The following CMIP variants were observed in gnomAD, a reference collection of about 807,000 sequenced individuals.
CMIP encodes c-Maf inducing protein, also known as C-Maf-inducing protein.
In CMIP, 13 loss-of-function variants were observed where a neutral mutation model predicts 97.3. The observed-to-expected ratio is 0.13, with a 90% CI of 0.09 to 0.21. The LOEUF is 0.21. Among genes scored for constraint, CMIP ranks in the 10% least tolerant of loss-of-function variants. The pLI is 1.00. For synonymous variants in CMIP, 538 were observed against 436.3 expected, an observed-to-expected ratio of 1.23 and a Z score of -2.91; for missense variants, 847 against 1,024.9, an observed-to-expected ratio of 0.83 and a Z score of 2.37.
chr16:81,677,108 C>T (rs1005771873), intron 9 of CMIP, among the ~76,000 whole-genome samples: 5 of 152,066 alleles, frequency 3.3e-5, no homozygotes, highest in South Asian at 4.1e-4. Flanking sequence ...CCTGGTGTCC[C>T]GCCAGGGGTG....
At chr16:81,658,802 A>T (rs1010923047) in intron 5 of CMIP, among the ~76,000 whole-genome samples, 1 of 152,190 alleles carries the variant, frequency 6.6e-6, no homozygotes, top group East Asian at 1.9e-4. Context: ...CCTGCCTGGG[A>T]TGTCTCCTGG....
intron 1 of CMIP, among the ~76,000 whole-genome samples, chr16:81,566,560 G>A (rs2090987231): frequency 6.6e-6 from 1 of 152,152 alleles, no homozygotes; most frequent in Non-Finnish European, 1.5e-5. Context: ...ATTCAAGGAG[G>A]CCTTCCTAGG....
At chr16:81,629,461 C>A (rs1318460649) in intron 3 of CMIP, among the ~76,000 whole-genome samples, 1 of 152,228 alleles carries the variant, frequency 6.6e-6, no homozygotes, top group Non-Finnish European at 1.5e-5. Flanking sequence ...CCCTCTAGCC[C>A]AGCTCATCCC....
intron 10 of CMIP, among the ~76,000 whole-genome samples, chr16:81,685,647 G>T (rs964489365): frequency 3.3e-5 from 5 of 151,532 alleles, no homozygotes; most frequent in African/African-American, 1.2e-4. Flanking sequence ...CAGGCTCAAA[G>T]AATCCTCCCA....
intron 2 of CMIP, chr16:81,620,466 A>G (rs914726705): frequency 3.8e-4 from 66 of 172,794 alleles, no homozygotes; most frequent in African/African-American, 1.5e-3. Flanking sequence ...GTGGATAACA[A>G]AAGCCAAGTT....
intron 1 of CMIP, among the ~76,000 whole-genome samples, chr16:81,543,645 C>T (rs1216238931): frequency 6.6e-6 from 1 of 152,130 alleles, no homozygotes; most frequent in Non-Finnish European, 1.5e-5. Flanking sequence ...CTCAGTTTCC[C>T]CACCTAGAGC....
At chr16:81,484,006 G>C (rs919177527) in intron 1 of CMIP, among the ~76,000 whole-genome samples, 9 of 152,202 alleles carry the variant, frequency 5.9e-5, no homozygotes, top group Non-Finnish European at 1.3e-4. Flanking sequence ...ATCATTTCAA[G>C]CTTAATAAAT....
intron 3 of CMIP, among the ~76,000 whole-genome samples, chr16:81,625,739 A>T (rs1003569217): frequency 6.6e-6 from 1 of 152,218 alleles, no homozygotes; most frequent in Non-Finnish European, 1.5e-5. Flanking sequence ...CCAGGCTCCT[A>T]GAGGAGCCCC....
chr16:81,488,165 T>C (rs994687452), intron 1 of CMIP, among the ~76,000 whole-genome samples: 1 of 152,210 alleles, frequency 6.6e-6, no homozygotes, highest in South Asian at 2.1e-4. Flanking sequence ...TACATTGTTA[T>C]TATTGTTATG....
At chr16:81,454,370 G>T (rs890958192) in intron 1 of CMIP, among the ~76,000 whole-genome samples, 1 of 152,218 alleles carries the variant, frequency 6.6e-6, no homozygotes, top group Non-Finnish European at 1.5e-5. Flanking sequence ...CCCCGTGTCT[G>T]TGTGGGTCCA....
chr16:81,661,075 C>T (rs1167896325), intron 6 of CMIP, 129 bp downstream of exon 6: 5 of 1,123,218 alleles, frequency 4.5e-6, no homozygotes, highest in Non-Finnish European at 6.8e-6. Flanking sequence ...GTCCCAGACA[C>T]AGGCGGAGAG....
chr16:81,651,802 C>A (rs867325344), intron 3 of CMIP, among the ~76,000 whole-genome samples: 8 of 152,140 alleles, frequency 5.3e-5, no homozygotes, highest in African/African-American at 1.9e-4. Flanking sequence ...GCTTGAGAGC[C>A]CGAGCACATG....
chr16:81,552,846 T>A (rs138282579), intron 1 of CMIP, among the ~76,000 whole-genome samples: 3 of 152,174 alleles, frequency 2.0e-5, no homozygotes, highest in African/African-American at 7.2e-5. Context: ...GCTTTGTTCC[T>A]TCATTGCTGT....
chr16:81,448,033 C>A (rs1197844980), intron 1 of CMIP, among the ~76,000 whole-genome samples: 1 of 152,234 alleles, frequency 6.6e-6, no homozygotes, highest in East Asian at 1.9e-4. Flanking sequence ...GAAATATGAG[C>A]CCAAATAAAA....
chr16:81,477,989 T>C (rs1260875618), intron 1 of CMIP, among the ~76,000 whole-genome samples: 1 of 152,226 alleles, frequency 6.6e-6, no homozygotes, highest in East Asian at 1.9e-4. Flanking sequence ...TGCAAGAGCA[T>C]CTGGGAAATG....
chr16:81,701,266 G>A (rs886599078), intron 15 of CMIP, among the ~76,000 whole-genome samples: 17 of 152,198 alleles, frequency 1.1e-4, no homozygotes, highest in African/African-American at 2.7e-4. Flanking sequence ...GAGCCATTCC[G>A]TGAGTTTGAG....
At chr16:81,524,510 G>A (rs1458865276) in intron 1 of CMIP, among the ~76,000 whole-genome samples, 1 of 152,264 alleles carries the variant, frequency 6.6e-6, no homozygotes, top group Non-Finnish European at 1.5e-5. Context: ...AAGTCTTGGT[G>A]AGACAGTGTC....
rs1471080319 is a variant in CMIP at position 81,473,505 on chromosome 16, A to G, written c.300+27964A>G. On this transcript the variant is annotated intron_variant, in intron 1 of 20. Coordinates refer to ENST00000537098, the MANE Select transcript of CMIP (RefSeq NM_198390.3). ...AATAGGTCTTTTTTTTTTTTTTTCC[A>G]TCCTATGAAATAAAACTGGAGACTT... Among the ~76,000 whole-genome samples, 8 of 110,982 alleles carry G rather than the reference A, an allele frequency of 7.2e-5. No homozygotes were observed. The South Asian group carries it at 1.8e-3, about 26-fold the overall frequency. The allele number at this position is 110,982 out of a possible 152,430, so 72.8% of individuals were successfully genotyped here. A position where few individuals can be genotyped will look rare whatever the true frequency, so the allele number is the denominator to read the frequency against.
chr16:81,503,054 G>A (rs904090280), intron 1 of CMIP, among the ~76,000 whole-genome samples: 3 of 152,154 alleles, frequency 2.0e-5, no homozygotes, highest in Non-Finnish European at 4.4e-5. Context: ...CCTCGTTGAT[G>A]TTTCATTAAA....
Sources: gnomAD v4.1 joint callset for allele counts (sites outside exome capture counted in the v4.1 genomes callset) on GRCh38, gnomAD v4.1.1 for gene constraint, MANE v1.5 for transcripts, NCBI Gene and HGNC (gene_info 2026-07-23, HGNC 2026-07-21) for gene names.